Variants in EDNRA observed in about 807,000 individuals in gnomAD.
EDNRA encodes the protein endothelin receptor type A, also known as endothelin-1 receptor.
In EDNRA, 11 loss-of-function variants were observed where a neutral mutation model predicts 41.4. That is an observed-to-expected ratio of 0.27 (90% CI 0.17 to 0.44). The LOEUF is 0.44. Among genes scored for constraint, EDNRA ranks in the 20% least tolerant of loss-of-function variants. The probability of loss-of-function intolerance (pLI) is 1.00; values close to 1 mark genes in which losing one functional copy is unlikely to be tolerated. For missense variants in EDNRA, 294 were observed against 531.0 expected, an observed-to-expected ratio of 0.55 and a Z score of 4.39; for synonymous variants, 172 against 183.0, an observed-to-expected ratio of 0.94 and a Z score of 0.49.
chr4:147,518,000 G>A (rs1273296110), intron 2 of EDNRA, among the ~76,000 whole-genome samples: 1 of 152,000 alleles, frequency 6.6e-6, no homozygotes, highest in Non-Finnish European at 1.5e-5. Flanking sequence ...TGTGTGAATT[G>A]GGAAATCCAT....
chr4:147,533,176 TAG>T (rs1730811993), intron 4 of EDNRA, among the ~76,000 whole-genome samples: 3 of 152,296 alleles, frequency 2.0e-5, no homozygotes, highest in Admixed American at 2.0e-4. Flanking sequence ...TAATTCAAAG[TAG>T]AGAGTAGTAC....
chr4:147,529,884 G>C (rs1730685782), intron 3 of EDNRA, among the ~76,000 whole-genome samples: 1 of 152,130 alleles, frequency 6.6e-6, no homozygotes, highest in South Asian at 2.1e-4. Context: ...TCTTATGGCT[G>C]TTTTCCCCTT....
rs111290939 is a variant in EDNRA, at chr4:147,523,470, TG to T, written c.548+3493del. ...GTTTTGTTGGGTGTTTGTTTTTTTT[TG>T]TTGTTGTTGTTTTTTTGTTTTTTTT... On this transcript the variant is annotated intron_variant, in intron 3 of 7. Coordinates refer to ENST00000651419, the MANE Select transcript of EDNRA (RefSeq NM_001957.4). Among the ~76,000 whole-genome samples, 624 of 100,520 alleles carry T rather than the reference TG, an allele frequency of 6.2e-3. 4 individuals carry two copies. Among genetic ancestry groups the T allele is most frequent in the African/African-American group, 0.036 (588 of 16,198 alleles). 65.9% of individuals were successfully genotyped at this position (100,520 alleles called of 152,430 possible). A position where few individuals can be genotyped will look rare whatever the true frequency, so the allele number is the denominator to read the frequency against.
intron 2 of EDNRA, among the ~76,000 whole-genome samples, chr4:147,518,013 A>G (rs1435922566): frequency 1.3e-5 from 2 of 152,152 alleles, no homozygotes; most frequent in Non-Finnish European, 2.9e-5. Flanking sequence ...AAATCCATTC[A>G]TGTGGATTAT....
chr4:147,505,280 C>T (rs1436177579), intron 2 of EDNRA, among the ~76,000 whole-genome samples: 3 of 142,108 alleles, frequency 2.1e-5, no homozygotes, highest in East Asian at 2.0e-4. Context: ...CTGGTGGAAA[C>T]GGAATGTAGA....
chr4:147,510,657 AT>A (rs1475078541), intron 2 of EDNRA, among the ~76,000 whole-genome samples: 2 of 152,210 alleles, frequency 1.3e-5, no homozygotes, highest in African/African-American at 4.8e-5. Flanking sequence ...TTTACTATAC[AT>A]TTTAGCTTTT....
In EDNRA at chr4:147,498,214, A is replaced by G. The variant is rs1385842407; in HGVS notation, c.420+12113A>G. ...AATGTCTGAGCACTGCATTTTTGCA[A>G]TCTCATGAATAAGAGTTTAAATGTG... On this transcript the variant is annotated intron_variant, in intron 2 of 7. Transcript: ENST00000651419. Among the ~76,000 whole-genome samples the G allele has an allele frequency of 2.0e-5, 3 of 152,220 alleles. No homozygotes were observed. The East Asian group carries it at 5.8e-4, about 29-fold the overall frequency.
intron 2 of EDNRA, among the ~76,000 whole-genome samples, chr4:147,508,206 T>C (rs1481626440): frequency 6.6e-6 from 1 of 152,190 alleles, no homozygotes; most frequent in Admixed American, 6.5e-5. Context: ...TGGGGCAATC[T>C]CCACTCACTG....
chr4:147,484,701 C>T (rs1245103785), intron 1 of EDNRA, among the ~76,000 whole-genome samples: 1 of 152,136 alleles, frequency 6.6e-6, no homozygotes, highest in Non-Finnish European at 1.5e-5. Flanking sequence ...CTATGACTAG[C>T]CTGGAAAAGT....
rs1048209561 is a variant in EDNRA at position 147,532,417 on chromosome 4, G to C, written c.549-89G>C. ...AGACAATTACTGGTATTGGCAATGA[G>C]GAGGAACTTCCCAGCACTTACAATT... On this transcript the variant is annotated intron_variant, in intron 3 of 7. Transcript: ENST00000651419. 4.4e-6 allele frequency: 5 copies of C among 1,149,070 alleles called. No individual in the cohort carries two copies. The South Asian group carries it at 6.5e-5, about 15-fold the overall frequency. 71.2% of individuals were successfully genotyped at this position (1,149,070 alleles called of 1,614,324 possible).
At chr4:147,513,691 G>A (rs1482297404) in intron 2 of EDNRA, among the ~76,000 whole-genome samples, 2 of 152,102 alleles carry the variant, frequency 1.3e-5, no homozygotes, top group African/African-American at 2.4e-5. Context: ...AATTCTAAGC[G>A]ACCCTATAAT....
rs546954374 is a variant in EDNRA at position 147,482,110 on chromosome 4, C to A, written c.-71+734C>A. Among the ~76,000 whole-genome samples the A allele has an allele frequency of 3.4e-3, 520 of 152,320 alleles. 2 individuals are homozygous for A. The highest frequency in any genetic ancestry group is 5.6e-3 in the Admixed American group (85 of 15,298). On this transcript the variant is annotated intron_variant, in intron 1 of 7. Transcript: ENST00000651419. ...AGTTGCTCATTTCTTAACCAGAGAG[C>A]AAAACCTCAGAAAACTTGTAAAAAG...
At chr4:147,540,326 A>C in intron 6 of EDNRA, 51 bp from the exon 7 acceptor site, 20 of 1,400,662 alleles carry the variant, frequency 1.4e-5, no homozygotes, top group Non-Finnish European at 1.9e-5. Flanking sequence ...TAGTGAGCAG[A>C]TTTTAAAACA....
intron 2 of EDNRA, among the ~76,000 whole-genome samples, chr4:147,514,672 C>G (rs962218331): frequency 1.3e-5 from 2 of 152,122 alleles, no homozygotes; most frequent in African/African-American, 4.8e-5. Context: ...CAGGGTTTCA[C>G]CACGTTGGCC....
At chr4:147,489,042 A>G (rs1729043200) in intron 2 of EDNRA, 1 of 152,200 alleles carries the variant, frequency 6.6e-6, no homozygotes, top group Non-Finnish European at 1.5e-5. Flanking sequence ...TTATTTCCCT[A>G]TTAGAAGGAT....
Position 147,523,483 on chromosome 4 carries a change from T to TG in EDNRA, c.548+3505_548+3506insG, listed in dbSNP as rs1303941957. ...TTTGTTTTTTTTTGTTGTTGTTGTT[T>TG]TTTTGTTTTTTTTGTTTTTTTTTTT... On this transcript the variant is annotated intron_variant, in intron 3 of 7. Coordinates refer to ENST00000651419, the MANE Select transcript of EDNRA (RefSeq NM_001957.4). Among the ~76,000 whole-genome samples the TG allele has an allele frequency of 7.3e-4, 77 of 104,862 alleles. 2 individuals are homozygous for TG. The highest frequency in any genetic ancestry group is 4.3e-3 in the African/African-American group (75 of 17,554). 68.8% of individuals were successfully genotyped at this position (104,862 alleles called of 152,430 possible).
intron 1 of EDNRA, among the ~76,000 whole-genome samples, chr4:147,482,916 G>C (rs1481293926): frequency 6.6e-6 from 1 of 152,208 alleles, no homozygotes; most frequent in Non-Finnish European, 1.5e-5. Flanking sequence ...CCGGCAGAGA[G>C]CCATTCCATT....
At chr4:147,515,474 A>G (rs1302570456) in intron 2 of EDNRA, among the ~76,000 whole-genome samples, 6 of 152,158 alleles carry the variant, frequency 3.9e-5, no homozygotes, top group Admixed American at 3.3e-4. Context: ...ATTCTAATAT[A>G]CAGGCAACAC....
chr4:147,525,191 A>G (rs1276403342), intron 3 of EDNRA, among the ~76,000 whole-genome samples: 1 of 152,244 alleles, frequency 6.6e-6, no homozygotes, highest in East Asian at 1.9e-4. Flanking sequence ...AAGATCAAAG[A>G]AAATATCTAG....
Sources: gnomAD v4.1 joint callset for allele counts (sites outside exome capture counted in the v4.1 genomes callset) on GRCh38, gnomAD v4.1.1 for gene constraint, MANE v1.5 for transcripts, NCBI Gene and HGNC (gene_info 2026-07-23, HGNC 2026-07-21) for gene names.